Variants in OGA observed in about 807,000 individuals in gnomAD.
OGA encodes O-GlcNAcase, also known as protein O-GlcNAcase.
OGA carries 21 observed loss-of-function variants against 102.0 expected under a neutral mutation model. The ratio of observed to expected loss-of-function variants is 0.21; its 90% CI spans 0.15 to 0.30. OGA has a LOEUF of 0.30. OGA is among the 10% of genes least tolerant of loss of function. The pLI is 1.00. For synonymous variants in OGA, 408 were observed against 378.2 expected, an observed-to-expected ratio of 1.08 and a Z score of -0.91; for missense variants, 765 against 1,107.8, an observed-to-expected ratio of 0.69 and a Z score of 4.39.
intron 4 of OGA, among the ~76,000 whole-genome samples, chr10:101,809,292 C>G (rs577578094): frequency 6.6e-6 from 1 of 152,330 alleles, no homozygotes; most frequent in African/African-American, 2.4e-5. Context: ...TAAAGTCCAG[C>G]AGTCAGCATT....
At chr10:101,792,991 AT>A (rs746086022) in intron 11 of OGA, 48 bp from the exon 12 acceptor site, 8 of 1,451,360 alleles carry the variant, frequency 5.5e-6, no homozygotes, top group Non-Finnish European at 6.8e-6. Context: ...GAAGGTATCC[AT>A]TTTTTTAAAT....
intron 8 of OGA, among the ~76,000 whole-genome samples, chr10:101,799,677 T>G (rs1022264163): frequency 1.3e-5 from 2 of 152,228 alleles, no homozygotes; most frequent in African/African-American, 4.8e-5. Flanking sequence ...ACATCTACTA[T>G]TACATTCTCT....
At chr10:101,804,429 C>T (rs991754973) in intron 6 of OGA, among the ~76,000 whole-genome samples, 45 of 151,306 alleles carry the variant, frequency 3.0e-4, no homozygotes, top group African/African-American at 8.7e-4. Flanking sequence ...CCCTCCACCA[C>T]GCCTGGCTAA....
chr10:101,788,109 C>CGGGGAAA, intron 14 of OGA: 1 of 144,700 alleles, frequency 6.9e-6, no homozygotes, highest in Admixed American at 7.1e-5. Flanking sequence ...CCAGCCTGGG[C>CGGGGAAA]AACAGAGCGA....
intron 1 of OGA, among the ~76,000 whole-genome samples, chr10:101,816,051 T>A (rs1280863497): frequency 1.4e-5 from 2 of 142,066 alleles, no homozygotes; most frequent in Admixed American, 7.1e-5. Context: ...GCGGGCGGAC[T>A]GCCTGAGCTC....
At chr10:101,814,379 A>T (rs2065595781) in intron 1 of OGA, among the ~76,000 whole-genome samples, 1 of 152,228 alleles carries the variant, frequency 6.6e-6, no homozygotes, top group Non-Finnish European at 1.5e-5. Context: ...AGCAATTAAA[A>T]ACAAATCAGA....
In OGA at chr10:101,787,395, C is replaced by T. The variant is rs1202168282; in HGVS notation, c.2583G>A (p.Met861Ile). The change falls in exon 15 of 16, where the codon ATG becomes ATA. Residue 861 changes from methionine to isoleucine, a missense_variant. Physicochemically the swap from Met to Ile is conservative, Grantham distance 10 (BLOSUM62 1). Transcript: ENST00000361464. ...CCTTCAGTGAAGACAGGAGGCAAGC[C>T]ATCATGCTTTTGGCCACACTTGGGT... ...VTDPSVAKSM[M>I]ACLLSSLKAN... The T allele has an allele frequency of 1.2e-6, 2 of 1,613,806 alleles. No homozygotes were observed. The highest frequency in any genetic ancestry group is 1.7e-6 in the Non-Finnish European group (2 of 1,179,704).
At chr10:101,811,727 G>A (rs1463177692) in intron 3 of OGA, among the ~76,000 whole-genome samples, 3 of 152,076 alleles carry the variant, frequency 2.0e-5, no homozygotes, top group Non-Finnish European at 4.4e-5. Context: ...CCAGAGTTAA[G>A]TCATGGCCTT....
At chr10:101,810,392 G>A (rs1589839284) in intron 3 of OGA, 78 bp from the exon 4 acceptor site, 20 of 1,293,662 alleles carry the variant, frequency 1.5e-5, no homozygotes, top group Admixed American at 2.4e-5. Context: ...AACTGAAGAG[G>A]TTATTTCTTC....
At chr10:101,815,455 T>C (rs1435075775) in intron 1 of OGA, among the ~76,000 whole-genome samples, 1 of 151,908 alleles carries the variant, frequency 6.6e-6, no homozygotes, top group Non-Finnish European at 1.5e-5. Context: ...CGGCTAATTT[T>C]TTCTATTTTT....
At chr10:101,812,603 A>G (rs2065572997) in intron 3 of OGA, among the ~76,000 whole-genome samples, 1 of 152,200 alleles carries the variant, frequency 6.6e-6, no homozygotes, top group Admixed American at 6.5e-5. Flanking sequence ...GAATTTCTGC[A>G]TTAATTTTGG....
At chr10:101,789,590 T>A (rs1236973442) in intron 14 of OGA, among the ~76,000 whole-genome samples, 1 of 151,956 alleles carries the variant, frequency 6.6e-6, no homozygotes, top group Non-Finnish European at 1.5e-5. Flanking sequence ...AGAAACAACA[T>A]AGAAGAAAAG....
At chr10:101,810,144 G>A (rs1172518143) in intron 4 of OGA, 40 bp downstream of exon 4, 3 of 1,549,058 alleles carry the variant, frequency 1.9e-6, no homozygotes, top group South Asian at 2.4e-5. Flanking sequence ...CTAGTTTCAA[G>A]TACATAGTCA....
chr10:101,790,989 G>C lies in OGA; in HGVS notation c.2361C>G (p.Thr787=). ...AAATTTTACATTTTTTAATAAAGGGGGTCACATCTACAGTGCCCAAGGCAT... is the reference window on the plus strand; with the variant it reads ...AAATTTTACATTTTTTAATAAAGGGCGTCACATCTACAGTGCCCAAGGCAT... ...CGYALGTVDV[T]PFIKKCKISW... The change falls in exon 14 of 16, where the codon ACC becomes ACG. Residue 787 remains threonine (T), a synonymous_variant. Transcript: ENST00000361464. The C allele has an allele frequency of 1.2e-6, 2 of 1,613,682 alleles. No individual in the cohort carries two copies. The highest frequency in any genetic ancestry group is 1.1e-5 in the South Asian group (1 of 91,032).
intron 3 of OGA, chr10:101,812,779 G>A (rs2065575319): frequency 3.5e-6 from 2 of 573,836 alleles, no homozygotes; most frequent in African/African-American, 1.8e-5. Context: ...GCAGAAGTAA[G>A]CAGCACAATC....
intron 11 of OGA, among the ~76,000 whole-genome samples, chr10:101,793,264 A>C (rs1244545612): frequency 6.6e-6 from 1 of 152,230 alleles, no homozygotes; most frequent in Non-Finnish European, 1.5e-5. Flanking sequence ...CCTATCTTAG[A>C]TAGACCATCT....
chr10:101,811,127 T>C (rs548767045), intron 3 of OGA, among the ~76,000 whole-genome samples: 21 of 152,120 alleles, frequency 1.4e-4, no homozygotes, highest in South Asian at 8.3e-4. Flanking sequence ...CAATGGCTCA[T>C]GCCTGTAACC....
intron 1 of OGA, among the ~76,000 whole-genome samples, chr10:101,816,883 A>AAT (rs1158324959): frequency 4.6e-5 from 7 of 152,148 alleles, no homozygotes. Flanking sequence ...TGGTTTTTTA[A>AAT]ATATATATAT....
intron 10 of OGA, among the ~76,000 whole-genome samples, chr10:101,794,559 A>G (rs1390405384): frequency 6.6e-6 from 1 of 152,214 alleles, no homozygotes; most frequent in East Asian, 1.9e-4. Context: ...TTTTGGACAA[A>G]AACAATTCAA....
Sources: allele counts gnomAD v4.1 joint callset (sites outside exome capture counted in the v4.1 genomes callset), GRCh38; gene constraint gnomAD v4.1.1; transcripts MANE v1.5; gene names NCBI Gene and HGNC (gene_info 2026-07-23, HGNC 2026-07-21).